Variants in PRR16 observed in about 807,000 individuals in gnomAD.
PRR16 encodes the protein proline rich 16.
In PRR16, 6 loss-of-function variants were observed where a neutral mutation model predicts 18.2. The observed-to-expected ratio is 0.33, with a 90% CI of 0.18 to 0.65. The LOEUF (loss-of-function observed/expected upper bound fraction) is 0.65. Among genes scored for constraint, PRR16 ranks in the 30% least tolerant of loss-of-function variants. The pLI, the probability that PRR16 is intolerant of heterozygous loss-of-function variation, is 0.74. For missense variants in PRR16, 412 were observed against 376.6 expected, an observed-to-expected ratio of 1.09 and a Z score of -0.78; for synonymous variants, 151 against 147.8, an observed-to-expected ratio of 1.02 and a Z score of -0.16.
chr5:120,687,774 T>C (rs1757164388), downstream of PRR16, among the ~76,000 whole-genome samples: 1 of 152,206 alleles, frequency 6.6e-6, no homozygotes, highest in South Asian at 2.1e-4. Flanking sequence ...TGCTGTCTTC[T>C]AAAAGAAAGA....
intron 1 of PRR16, among the ~76,000 whole-genome samples, chr5:120,494,720 A>G (rs531862611): frequency 2.0e-5 from 3 of 152,106 alleles, no homozygotes; most frequent in South Asian, 2.1e-4. Flanking sequence ...CTTTTCCCTT[A>G]TATTTTACAT....
At chr5:120,708,228 A>G in the PRR16 span, among the ~76,000 whole-genome samples, 12 of 152,194 alleles carry the variant, frequency 7.9e-5, no homozygotes, top group African/African-American at 2.9e-4. Context: ...TGTATTTACT[A>G]TAAAGTAGTC....
At chr5:120,619,664 C>G (rs1754623556) in intron 1 of PRR16, among the ~76,000 whole-genome samples, 1 of 151,992 alleles carries the variant, frequency 6.6e-6, no homozygotes, top group Admixed American at 6.6e-5. Flanking sequence ...GCAAAAATTT[C>G]TCCTAAGAAT....
chr5:120,507,111 T>C (rs2112851524), intron 1 of PRR16, among the ~76,000 whole-genome samples: 1 of 152,240 alleles, frequency 6.6e-6, no homozygotes, highest in African/African-American at 2.4e-5. Context: ...TAAAGGACAC[T>C]CCTATTTTTA....
intron 1 of PRR16, among the ~76,000 whole-genome samples, chr5:120,468,257 A>G (rs1454526568): frequency 1.3e-5 from 2 of 152,198 alleles, no homozygotes; most frequent in African/African-American, 4.8e-5. Flanking sequence ...TAAATGGATC[A>G]ATACCATATA....
At chr5:120,642,418 A>C (rs1217533788) in intron 1 of PRR16, among the ~76,000 whole-genome samples, 4 of 152,044 alleles carry the variant, frequency 2.6e-5, no homozygotes, top group African/African-American at 9.7e-5. Flanking sequence ...GGTTTTTTTC[A>C]TGATAACCTC....
At chr5:120,464,709 G>A (rs1580603979) in intron 1 of PRR16, 64 bp downstream of exon 1, 1 of 1,429,558 alleles carries the variant, frequency 7.0e-7, no homozygotes. Flanking sequence ...TCCCCTTTCC[G>A]ATTTTCAGCA....
At chr5:120,671,833 A>G (rs866638692) in intron 1 of PRR16, among the ~76,000 whole-genome samples, 8 of 151,610 alleles carry the variant, frequency 5.3e-5, no homozygotes, top group Non-Finnish European at 7.4e-5. Flanking sequence ...TATGAAAAAG[A>G]GAGAAGTTAG....
chr5:120,662,499 T>G (rs1441854750), intron 1 of PRR16, among the ~76,000 whole-genome samples: 2 of 152,130 alleles, frequency 1.3e-5, no homozygotes, highest in Non-Finnish European at 2.9e-5. Flanking sequence ...AGTGTATATC[T>G]TATGTATTTT....
the PRR16 span, among the ~76,000 whole-genome samples, chr5:120,791,797 A>C: frequency 6.6e-6 from 1 of 152,144 alleles, no homozygotes; most frequent in Non-Finnish European, 1.5e-5. Flanking sequence ...GCTTATTCCC[A>C]AACTATGATA....
At chr5:120,767,168 A>G in the PRR16 span, among the ~76,000 whole-genome samples, 1 of 151,990 alleles carries the variant, frequency 6.6e-6, no homozygotes, top group South Asian at 2.1e-4. Context: ...TAAAGGGTTA[A>G]AAGTTAACAT....
chr5:120,775,364 A>G, the PRR16 span, among the ~76,000 whole-genome samples: 670 of 151,556 alleles, frequency 4.4e-3, 5 homozygotes, highest in African/African-American at 0.016. Flanking sequence ...ATAATAGGAA[A>G]TCTTCCTCAC....
chr5:120,517,285 T>C (rs1471390214), intron 1 of PRR16, among the ~76,000 whole-genome samples: 2 of 152,178 alleles, frequency 1.3e-5, no homozygotes, highest in African/African-American at 2.4e-5. Context: ...ATTCAATTTA[T>C]TTCCATGTAA....
the PRR16 span, among the ~76,000 whole-genome samples, chr5:120,782,609 C>T: frequency 6.2e-4 from 94 of 152,142 alleles, no homozygotes; most frequent in African/African-American, 2.2e-3. Context: ...GGTAGGGCTC[C>T]AGGGATTGTG....
intron 1 of PRR16, among the ~76,000 whole-genome samples, chr5:120,513,291 A>C (rs1750887767): frequency 6.6e-6 from 1 of 152,160 alleles, no homozygotes; most frequent in Non-Finnish European, 1.5e-5. Context: ...GTATTTAGCT[A>C]CCTGCAGGTA....
At chr5:120,471,712 G>A (rs1749273644) in intron 1 of PRR16, among the ~76,000 whole-genome samples, 1 of 152,000 alleles carries the variant, frequency 6.6e-6, no homozygotes, top group African/African-American at 2.4e-5. Context: ...TGTTTTTATT[G>A]TATTAAAAGT....
chr5:120,517,778 G>A lies in PRR16; in HGVS notation c.159+53133G>A, dbSNP rs540925860. ...ATTCTTTACTCTGTTTCTAAAGGGA[G>A]GGGCCAGTGTGAAGTGGTAGCTGGA... On this transcript the variant is annotated intron_variant, in intron 1 of 1. Transcript: ENST00000407149. 6.6e-5 allele frequency among the ~76,000 whole-genome samples: 10 copies of A among 152,224 alleles called. No homozygotes were observed. In the South Asian group the frequency reaches 2.1e-3, roughly 32 times the overall value.
intron 1 of PRR16, among the ~76,000 whole-genome samples, chr5:120,519,135 G>C (rs113647255): frequency 9.2e-5 from 14 of 152,040 alleles, no homozygotes; most frequent in Non-Finnish European, 1.3e-4. Flanking sequence ...CATTGAGTTT[G>C]GAGGGCATGG....
At chr5:120,669,740 AAG>A (rs1756530325) in intron 1 of PRR16, among the ~76,000 whole-genome samples, 1 of 152,088 alleles carries the variant, frequency 6.6e-6, no homozygotes, top group African/African-American at 2.4e-5. Flanking sequence ...AACTCAGTAA[AAG>A]AGAAAGTCTT....
Sources: allele counts gnomAD v4.1 joint callset (sites outside exome capture counted in the v4.1 genomes callset), GRCh38; gene constraint gnomAD v4.1.1; transcripts MANE v1.5; gene names NCBI Gene and HGNC (gene_info 2026-07-23, HGNC 2026-07-21).